The following ESYT2 variants were observed in gnomAD, a reference collection of about 807,000 sequenced individuals.
ESYT2 encodes extended synaptotagmin-2.
A neutral mutation model predicts 107.2 loss-of-function variants in ESYT2; 54 were observed. That is an observed-to-expected ratio of 0.50 (90% CI 0.40 to 0.63). ESYT2 has a LOEUF of 0.63. Ranked by LOEUF, ESYT2 falls within the 30% of genes least tolerant of loss-of-function variation. The pLI is 0.00. For missense variants in ESYT2, 1,020 were observed against 1,094.5 expected (o/e 0.93, Z 0.96); for synonymous variants, 491 against 434.1 (o/e 1.13, Z -1.63).
At chr7:158,765,996 G>A (rs1178440323) in intron 8 of ESYT2, among the ~76,000 whole-genome samples, 1 of 151,784 alleles carries the variant, frequency 6.6e-6, no homozygotes, top group African/African-American at 2.4e-5. Context: ...TCAGGAGATC[G>A]AGACCATCCT....
In ESYT2 at chr7:158,781,548, CAAGT is replaced by C. The variant is rs1450459176; in HGVS notation, c.747+6452_747+6455del. On this transcript the variant is annotated intron_variant, in intron 6 of 22. Transcript: ENST00000275418. Reference sequence around the variant, plus strand: ...AGAGGTGTGAGTGTAAGAACGAGAACAAGTGAGTGAACGACTGTGAGAACAAAGT... The same window carrying C: ...AGAGGTGTGAGTGTAAGAACGAGAACGAGTGAACGACTGTGAGAACAAAGT... 8.6e-5 allele frequency among the ~76,000 whole-genome samples: 13 copies of C among 151,424 alleles called. 1 individual carries two copies. The East Asian group carries it at 1.2e-3, about 14-fold the overall frequency.
intron 1 of ESYT2, among the ~76,000 whole-genome samples, chr7:158,820,483 T>C (rs531238366): frequency 1.4e-4 from 22 of 152,342 alleles, no homozygotes; most frequent in African/African-American, 5.0e-4. Context: ...ATAATACTTT[T>C]ATCAGATAAA....
chr7:158,785,344 G>C (rs758123207), intron 6 of ESYT2, among the ~76,000 whole-genome samples: 5 of 152,014 alleles, frequency 3.3e-5, no homozygotes, highest in Non-Finnish European at 2.9e-5. Flanking sequence ...ACAATCACTT[G>C]AACCCAGGAG....
chr7:158,818,278 A>G (rs1840200561), intron 1 of ESYT2, among the ~76,000 whole-genome samples: 1 of 152,218 alleles, frequency 6.6e-6, no homozygotes, highest in Non-Finnish European at 1.5e-5. Flanking sequence ...CCTTGGAACA[A>G]TATTTGTTTT....
Position 158,806,119 on chromosome 7 carries a change from C to A in ESYT2, c.331-7047G>T, listed in dbSNP as rs542362304. Among the ~76,000 whole-genome samples, 842 of 150,476 alleles carry A rather than the reference C, an allele frequency of 5.6e-3. 16 individuals carry two copies. The highest frequency in any genetic ancestry group is 0.023 in the Admixed American group (344 of 15,198). ...ACACCGCGTGGGAGGCGCCGGGGCACACCGCGTGGGAGGTGCCGGGGCACA... is the reference window on the plus strand; with the variant it reads ...ACACCGCGTGGGAGGCGCCGGGGCAAACCGCGTGGGAGGTGCCGGGGCACA... On this transcript the variant is annotated intron_variant, in intron 1 of 22. Transcript: ENST00000275418.
chr7:158,754,392 T>C (rs1223542301), intron 13 of ESYT2, among the ~76,000 whole-genome samples: 1 of 151,900 alleles, frequency 6.6e-6, no homozygotes, highest in Non-Finnish European at 1.5e-5. Context: ...ATTTTTTTTT[T>C]ACTAGAGATG....
At chr7:158,751,736 A>C (rs1480401541) in intron 14 of ESYT2, among the ~76,000 whole-genome samples, 1 of 151,610 alleles carries the variant, frequency 6.6e-6, no homozygotes, top group Non-Finnish European at 1.5e-5. Flanking sequence ...AGAGTGGACG[A>C]AGTGTCTTGT....
intron 10 of ESYT2, among the ~76,000 whole-genome samples, chr7:158,762,785 C>T (rs961988066): frequency 6.6e-5 from 10 of 152,174 alleles, no homozygotes; most frequent in Non-Finnish European, 1.2e-4. Context: ...AGCTTTAAGC[C>T]TTGTAAACAA....
Position 158,765,004 on chromosome 7 carries a change from G to A in ESYT2, c.925-151C>T. 4 of 739,804 alleles carry A rather than the reference G, an allele frequency of 5.4e-6. No individual in the cohort carries two copies. The South Asian group carries it at 7.3e-5, about 14-fold the overall frequency. 45.8% of individuals were successfully genotyped at this position (739,804 alleles called of 1,614,324 possible). A position where few individuals can be genotyped will look rare whatever the true frequency, so the allele number is the denominator to read the frequency against. ...GTGCCGAGTACATCCCAGCAGCGGGGAAATGCAAGTGTGTATAGGAGAAGC... is the reference window on the plus strand; with the variant it reads ...GTGCCGAGTACATCCCAGCAGCGGGAAAATGCAAGTGTGTATAGGAGAAGC... On this transcript the variant is annotated intron_variant, in intron 8 of 22. Transcript: ENST00000275418.
chr7:158,793,696 T>G lies in ESYT2; in HGVS notation c.538A>C (p.Thr180Pro). 6.2e-7 allele frequency: 1 copy of G among 1,613,602 alleles called. No individual in the cohort carries two copies. Residue 180 changes from threonine (T) to proline (P), a missense_variant, in exon 4 of 23, where the codon ACT (threonine) becomes CCT (proline). Thr to Pro is a conservative substitution (Grantham distance 38). Coordinates refer to ENST00000275418, the MANE Select transcript of ESYT2 (RefSeq NM_001367773.1). ...PLRINGVKVY[T>P]ENVDKRQIIL... Reference sequence around the variant, plus strand: ...ATTTGCCTTTTGTCTACATTTTCAGTGTATACCTTAACACCATTGATCCTG... The same window carrying G: ...ATTTGCCTTTTGTCTACATTTTCAGGGTATACCTTAACACCATTGATCCTG...
intron 20 of ESYT2, among the ~76,000 whole-genome samples, chr7:158,735,809 A>G (rs549833882): frequency 4.6e-5 from 7 of 152,286 alleles, no homozygotes; most frequent in Admixed American, 6.5e-5. Context: ...CCCACACATA[A>G]AAGAAGGCTC....
intron 7 of ESYT2, among the ~76,000 whole-genome samples, chr7:158,768,543 C>T (rs1198750058): frequency 2.6e-5 from 4 of 152,144 alleles, no homozygotes; most frequent in South Asian, 2.1e-4. Flanking sequence ...CCTCAGCCTC[C>T]GAAGTAGCTG....
rs566735346 is a variant in ESYT2 at position 158,732,474 on chromosome 7, G to A, written c.*1733C>T. 1 of 152,324 alleles carries A rather than the reference G, an allele frequency of 6.6e-6. No individual in the cohort carries two copies. Among genetic ancestry groups the A allele is most frequent in the East Asian group, 1.9e-4 (1 of 5,188 alleles). The allele number at this position is 152,324 out of a possible 1,614,324, so 9.4% of individuals were successfully genotyped here. ...TACAGTCGCATGTCATTCAGCAGGAGGGAATATACTGGTCTTTATGATTAC... is the reference window on the plus strand; with the variant it reads ...TACAGTCGCATGTCATTCAGCAGGAAGGAATATACTGGTCTTTATGATTAC... On this transcript the variant is annotated 3_prime_UTR_variant, in exon 23 of 23. Coordinates refer to ENST00000275418, the MANE Select transcript of ESYT2 (RefSeq NM_001367773.1).
At chr7:158,757,014 A>G (rs1837781674) in intron 13 of ESYT2, among the ~76,000 whole-genome samples, 1 of 152,272 alleles carries the variant, frequency 6.6e-6, no homozygotes. Context: ...ATGAACCACA[A>G]GAAAATGAAT....
In ESYT2 at chr7:158,741,680, C is replaced by T. The variant is rs7792976; in HGVS notation, c.2011G>A (p.Gly671Ser). ...MEEKAQPPEAGPQGLHDLGRS... is the reference protein window; with the variant it reads ...MEEKAQPPEASPQGLHDLGRS... ...CCCAGGTCGTGCAGCCCCTGAGGGC[C>T]GGCCTCAGGGGGCTGGGCCTTTTCT... Residue 671 changes from glycine (G) to serine (S), a missense_variant, in exon 18 of 23, where the codon GGC becomes AGC. Physicochemically the swap from Gly to Ser is moderately conservative, Grantham distance 56. Coordinates refer to ENST00000275418, the MANE Select transcript of ESYT2 (RefSeq NM_001367773.1). The T allele has an allele frequency of 8.5e-4, 1,367 of 1,614,034 alleles. 10 individuals carry two copies. The East Asian group carries it at 9.6e-3, about 11-fold the overall frequency.
rs933187326 is a variant in ESYT2, at chr7:158,829,456, G to C, written c.-38C>G. 3.3e-6 allele frequency: 4 copies of C among 1,200,892 alleles called. No individual in the cohort carries two copies. Among genetic ancestry groups the C allele is most frequent in the Non-Finnish European group, 4.1e-6 (4 of 969,778 alleles). The allele number at this position is 1,200,892 out of a possible 1,614,324, so 74.4% of individuals were successfully genotyped here. A position where few individuals can be genotyped will look rare whatever the true frequency, so the allele number is the denominator to read the frequency against. On this transcript the variant is annotated 5_prime_UTR_variant, in exon 1 of 23. Coordinates refer to ENST00000275418, the MANE Select transcript of ESYT2 (RefSeq NM_001367773.1). The stretch of plus-strand genomic sequence containing the variant: ...CCGCGCTGCCCTCCCGGCCGAGGCG[G>C]GCTGGGTGCTCGCGCTGATCCCGGG...
intron 15 of ESYT2, 79 bp from the exon 16 acceptor site, chr7:158,748,359 G>T: frequency 8.9e-7 from 1 of 1,123,470 alleles, no homozygotes; most frequent in Non-Finnish European, 1.3e-6. Flanking sequence ...TAGAAGCTTA[G>T]AATGAAAAAT....
At chr7:158,828,711 C>A (rs1840529574) in intron 1 of ESYT2, among the ~76,000 whole-genome samples, 1 of 151,944 alleles carries the variant, frequency 6.6e-6, no homozygotes, top group Non-Finnish European at 1.5e-5. Context: ...GAGCAGCGGG[C>A]GGCGGCCCCA....
intron 1 of ESYT2, among the ~76,000 whole-genome samples, chr7:158,805,102 A>T (rs1027453903): frequency 6.6e-6 from 1 of 152,186 alleles, no homozygotes; most frequent in African/African-American, 2.4e-5. Context: ...ATCAGTGGGG[A>T]TCTCTGCTCG....
Sources: allele counts gnomAD v4.1 joint callset (sites outside exome capture counted in the v4.1 genomes callset), GRCh38; gene constraint gnomAD v4.1.1; transcripts MANE v1.5; gene names NCBI Gene and HGNC (gene_info 2026-07-23, HGNC 2026-07-21).